The following SPATC1 variants were observed in gnomAD, a reference collection of about 807,000 sequenced individuals.
SPATC1 encodes speriolin.
A neutral mutation model predicts 36.5 loss-of-function variants in SPATC1; 35 were observed. The ratio of observed to expected loss-of-function variants is 0.96; its 90% CI spans 0.73 to 1.27. The LOEUF is 1.27. Ranked by LOEUF, SPATC1 falls within the 50% of genes most tolerant of loss-of-function variation. The pLI, the probability that SPATC1 is intolerant of heterozygous loss-of-function variation, is 0.00. For synonymous variants in SPATC1, 361 were observed against 353.6 expected (o/e 1.02, Z -0.24); for missense variants, 779 against 796.0 (o/e 0.98, Z 0.26).
In SPATC1 at chr8:144,046,042, AC is replaced by A. The variant is rs1428435037; in HGVS notation, c.1447-584del. ...CAGGCCCAGGAGGACGCAGATGGAG[AC>A]AGGCCCCTCAGCGCTGGGGCCAACA... is the stretch of plus-strand genomic sequence containing the variant. On this transcript the variant is annotated intron_variant, in intron 4 of 4. Coordinates refer to ENST00000377470, the MANE Select transcript of SPATC1 (RefSeq NM_198572.3). The surrounding 1 kb of genome is among the most constrained non-coding windows in gnomAD (Gnocchi z 6.6). Among the ~76,000 whole-genome samples the A allele has an allele frequency of 6.6e-6, 1 of 152,126 alleles. No homozygotes were observed. The highest frequency in any genetic ancestry group is 1.5e-5 in the Non-Finnish European group (1 of 68,002).
chr8:144,014,206 G>A (rs1169233184), intron 1 of SPATC1, among the ~76,000 whole-genome samples: 3 of 151,978 alleles, frequency 2.0e-5, no homozygotes, highest in African/African-American at 7.3e-5. Flanking sequence ...AGCCGAGGTT[G>A]CGCCATTGCA....
intron 1 of SPATC1, among the ~76,000 whole-genome samples, chr8:144,024,992 C>G (rs910080442): frequency 1.5e-5 from 2 of 136,886 alleles, no homozygotes; most frequent in East Asian, 2.1e-4. Context: ...CCCTCAGGAC[C>G]CTTTTTCTTG....
chr8:144,015,103 A>G (rs1834357622), intron 1 of SPATC1, among the ~76,000 whole-genome samples: 1 of 151,978 alleles, frequency 6.6e-6, no homozygotes, highest in Non-Finnish European at 1.5e-5. Flanking sequence ...GCAGTGGCAC[A>G]ATATCAGCTC....
At chr8:144,023,712 A>T (rs1312967666) in intron 1 of SPATC1, among the ~76,000 whole-genome samples, 4 of 254 alleles carry the variant, frequency 0.016, 2 homozygotes, top group East Asian at 0.14. Context: ...TCTCCCCTCA[A>T]GACCCCCTTC....
At position 144,046,513 on chromosome 8, in the gene SPATC1, C is replaced by G; in HGVS notation, c.1447-114C>G. 1 of 988,962 alleles carries G rather than the reference C, an allele frequency of 1.0e-6. No individual in the cohort carries two copies. The highest frequency in any genetic ancestry group is 1.6e-5 in the South Asian group (1 of 63,554). 61.3% of individuals were successfully genotyped at this position (988,962 alleles called of 1,614,324 possible). On this transcript the variant is annotated intron_variant, in intron 4 of 4. Transcript: ENST00000377470. The surrounding 1 kb of genome is among the most constrained non-coding windows in gnomAD (Gnocchi z 6.6). ...TCTGTCGCAGAACCTCCCCACCGCA[C>G]ACCCCTCGGATCCTGGCCATCTCAC...
chr8:144,031,770 A>T (rs1834802748), intron 1 of SPATC1, among the ~76,000 whole-genome samples: 1 of 130,330 alleles, frequency 7.7e-6, no homozygotes, highest in Non-Finnish European at 1.5e-5. Context: ...GTCACCCATC[A>T]TGTAGCGGCA....
chr8:144,046,687 C>A lies in SPATC1; in HGVS notation c.1507C>A (p.Arg503Ser). 1 of 1,612,432 alleles carries A rather than the reference C, an allele frequency of 6.2e-7. No individual in the cohort carries two copies. The highest frequency in any genetic ancestry group is 1.7e-4 in the Middle Eastern group (1 of 6,054). ...DEKLCQRLTQ[R>S]YVSVMNRLQS... Reference sequence around the variant, plus strand: ...GAAGCTGTGCCAGAGGCTCACACAGCGCTATGTGAGCGTCATGAACAGGCT... The same window carrying A: ...GAAGCTGTGCCAGAGGCTCACACAGAGCTATGTGAGCGTCATGAACAGGCT... The change falls in exon 5 of 5, where the codon CGC (arginine) becomes AGC (serine). Residue 503 changes from arginine to serine, a missense_variant. By Grantham distance (110) the Arg-to-Ser change is moderately radical (BLOSUM62 -1). Transcript: ENST00000377470. This position sits in a 1 kb window ranked among gnomAD's most constrained non-coding sequence, Gnocchi z 6.6.
intron 1 of SPATC1, among the ~76,000 whole-genome samples, chr8:144,036,644 G>T (rs2133135040): frequency 6.6e-6 from 1 of 152,206 alleles, no homozygotes; most frequent in South Asian, 2.1e-4. Context: ...AATTCAAAAG[G>T]CAAATAAAGT....
intron 1 of SPATC1, among the ~76,000 whole-genome samples, chr8:144,014,424 G>C (rs1554752872): frequency 7.2e-6 from 1 of 138,934 alleles, no homozygotes; most frequent in Non-Finnish European, 1.6e-5. Flanking sequence ...GAGGAGGAGA[G>C]GAAGAAAGAA....
intron 1 of SPATC1, among the ~76,000 whole-genome samples, chr8:144,038,003 C>T (rs562168237): frequency 2.6e-5 from 4 of 151,736 alleles, no homozygotes; most frequent in East Asian, 3.9e-4. Context: ...GTGGCGGGCG[C>T]CTGTAATCCC....
Position 144,040,567 on chromosome 8 carries a change from G to C in SPATC1, c.767-1G>C. 1 of 1,586,226 alleles carries C rather than the reference G, an allele frequency of 6.3e-7. No homozygotes were observed. The highest frequency in any genetic ancestry group is 8.6e-7 in the Non-Finnish European group (1 of 1,166,528). On this transcript the variant is annotated splice_acceptor_variant, in intron 2 of 4. Coordinates refer to ENST00000377470, the MANE Select transcript of SPATC1 (RefSeq NM_198572.3). LOFTEE classifies it high-confidence loss of function. ...TATTTCTGTTCCCTCCACATCACTAGTCCCACTCTCCACTGAGCCCCCCCA... is the reference window on the plus strand; with the variant it reads ...TATTTCTGTTCCCTCCACATCACTACTCCCACTCTCCACTGAGCCCCCCCA...
intron 4 of SPATC1, among the ~76,000 whole-genome samples, chr8:144,044,956 C>T (rs1554756567): frequency 6.6e-6 from 1 of 152,190 alleles, no homozygotes; most frequent in African/African-American, 2.4e-5. Context: ...CTCAAAACAA[C>T]AACAAAAAGA....
chr8:144,040,244 C>T lies in SPATC1; in HGVS notation c.547C>T (p.Leu183=). The T allele has an allele frequency of 1.2e-6, 2 of 1,612,926 alleles. No homozygotes were observed. Among genetic ancestry groups the T allele is most frequent in the Non-Finnish European group, 1.7e-6 (2 of 1,179,852 alleles). Residue 183 remains leucine, a synonymous_variant, in exon 2 of 5, where the codon CTG becomes TTG. Transcript: ENST00000377470. ...GPVAMSQSSP[L]IAPVMGTVAV... ...TGTGGCCATGTCCCAGAGCAGCCCC[C>T]TGATAGCCCCTGTGATGGGCACGGT...
At chr8:144,013,931 G>C (rs1834329512) in intron 1 of SPATC1, among the ~76,000 whole-genome samples, 1 of 152,056 alleles carries the variant, frequency 6.6e-6, no homozygotes, top group Admixed American at 6.5e-5. Context: ...ACTCCAGCCT[G>C]GTCAACAGAG....
At chr8:144,020,867 TCTCTTCCCTCAGACCC>T (rs1730121722) in intron 1 of SPATC1, among the ~76,000 whole-genome samples, 12 of 25,408 alleles carry the variant, frequency 4.7e-4, no homozygotes, top group Non-Finnish European at 8.7e-4. Context: ...CCCTCAAAAC[TCTCTTCCCTCAGACCC>T]CTCTTCCCTC....
chr8:144,043,953 T>C (rs150250934), intron 4 of SPATC1, among the ~76,000 whole-genome samples: 1 of 152,148 alleles, frequency 6.6e-6, no homozygotes, highest in Non-Finnish European at 1.5e-5. Flanking sequence ...CCACATCCCA[T>C]TGACACTGGG....
Position 144,040,932 on chromosome 8 carries a change from T to G in SPATC1, c.1131T>G (p.Pro377=), listed in dbSNP as rs782731937. ...RMHNSPTQNL[P]VPHCPPHNAH... ...ATAATTCCCCAACCCAGAACCTGCC[T>G]GTCCCCCACTGTCCTCCACACAACG... Residue 377 remains proline, a synonymous_variant, in exon 3 of 5, where the codon CCT becomes CCG. Coordinates refer to ENST00000377470, the MANE Select transcript of SPATC1 (RefSeq NM_198572.3). 1.3e-6 allele frequency: 2 copies of G among 1,583,410 alleles called. No individual in the cohort carries two copies. The highest frequency in any genetic ancestry group is 4.5e-5 in the East Asian group (2 of 44,234).
chr8:144,025,221 C>G (rs1775004436), intron 1 of SPATC1, among the ~76,000 whole-genome samples: 1 of 152,202 alleles, frequency 6.6e-6, no homozygotes, highest in Non-Finnish European at 1.5e-5. Flanking sequence ...CTTCAGGACT[C>G]TCTTCCCACA....
At chr8:144,036,402 A>G (rs1834899058) in intron 1 of SPATC1, among the ~76,000 whole-genome samples, 2 of 152,146 alleles carry the variant, frequency 1.3e-5, no homozygotes, top group Non-Finnish European at 2.9e-5. Context: ...ACGGCTCACC[A>G]CAGCCCCAAC....
Sources: gnomAD v4.1 joint callset for allele counts (sites outside exome capture counted in the v4.1 genomes callset) on GRCh38, gnomAD v4.1.1 for gene constraint, Gnocchi (gnomAD v3.1) non-coding constraint, MANE v1.5 for transcripts, NCBI Gene and HGNC (gene_info 2026-07-23, HGNC 2026-07-21) for gene names.